The following SMG7 variants were observed in gnomAD, a reference collection of about 807,000 sequenced individuals.
SMG7 encodes the protein SMG7 nonsense mediated mRNA decay factor.
SMG7 carries 34 observed loss-of-function variants against 148.2 expected under a neutral mutation model. The ratio of observed to expected loss-of-function variants is 0.23; its 90% CI spans 0.17 to 0.31. The LOEUF (loss-of-function observed/expected upper bound fraction) is 0.31, where lower values mean the gene tolerates loss of function less well. Ranked by LOEUF, SMG7 falls within the 10% of genes least tolerant of loss-of-function variation. SMG7 has a pLI of 1.00. For missense variants in SMG7, 1,114 were observed against 1,408.4 expected, an observed-to-expected ratio of 0.79 and a Z score of 3.35; for synonymous variants, 492 against 515.1, an observed-to-expected ratio of 0.96 and a Z score of 0.61.
chr1:183,496,785 C>A (rs1473191539), intron 1 of SMG7, among the ~76,000 whole-genome samples: 2 of 152,148 alleles, frequency 1.3e-5, no homozygotes, highest in Non-Finnish European at 1.5e-5. Context: ...TTGTCTTGGG[C>A]CACACATAAA....
intron 1 of SMG7, among the ~76,000 whole-genome samples, chr1:183,491,954 T>C (rs1276018740): frequency 1.3e-5 from 2 of 152,222 alleles, no homozygotes; most frequent in Non-Finnish European, 2.9e-5. Flanking sequence ...AAAAAGGCCG[T>C]ACCTAATTCT....
chr1:183,472,765 C>A, intron 1 of SMG7, 116 bp downstream of exon 1: 3 of 972,866 alleles, frequency 3.1e-6, no homozygotes, highest in Non-Finnish European at 2.8e-6. Flanking sequence ...CCTCTCCTCG[C>A]CGGGCAGGTC....
In SMG7 at chr1:183,551,201, T is replaced by G; in HGVS notation, c.3450+11T>G. On this transcript the variant is annotated intron_variant, in intron 22 of 22. Coordinates refer to ENST00000688051, the MANE Select transcript of SMG7 (RefSeq NM_001375584.1). ...ATGGAAAGCCTAAAGGTGAGTAGAT[T>G]TCAGGAACAAGAACCACAAGATTAT... 1 of 1,554,588 alleles carries G rather than the reference T, an allele frequency of 6.4e-7. No individual in the cohort carries two copies. Among genetic ancestry groups the G allele is most frequent in the Non-Finnish European group, 8.6e-7 (1 of 1,157,014 alleles).
rs1667269463 is a variant in SMG7, at chr1:183,533,826, G to C, written c.1157G>C (p.Arg386Thr). The change falls in exon 10 of 23, where the codon AGA becomes ACA. Residue 386 changes from arginine to threonine, a missense_variant. Around this residue, in one of 4 missense-constraint regions of SMG7, gnomAD observed 102 missense variants for 147.2 expected, o/e 0.69. Coordinates refer to ENST00000688051, the MANE Select transcript of SMG7 (RefSeq NM_001375584.1). ...RVFQEAVVDERQYIWPWLISL... is the reference protein window; with the variant it reads ...RVFQEAVVDETQYIWPWLISL... ...TTTCAGGAGGCAGTGGTGGATGAAAGACAGTAGTAAGTATTTTTAGAATTT... is the reference window on the plus strand; with the variant it reads ...TTTCAGGAGGCAGTGGTGGATGAAACACAGTAGTAAGTATTTTTAGAATTT... 6.2e-7 allele frequency: 1 copy of C among 1,605,482 alleles called. No individual in the cohort carries two copies. The highest frequency in any genetic ancestry group is 8.5e-7 in the Non-Finnish European group (1 of 1,174,902).
chr1:183,542,558 A>G, intron 14 of SMG7, 56 bp downstream of exon 14: 1 of 1,454,874 alleles, frequency 6.9e-7, no homozygotes, highest in South Asian at 1.3e-5. Context: ...AAAAGGCAAG[A>G]TTTTTCATTT....
chr1:183,525,317 C>T (rs931884935), intron 4 of SMG7, among the ~76,000 whole-genome samples: 7 of 152,098 alleles, frequency 4.6e-5, no homozygotes, highest in East Asian at 3.9e-4. Flanking sequence ...GAAAAATATC[C>T]GTTGTATTTG....
chr1:183,505,663 T>C (rs965500116), intron 1 of SMG7, among the ~76,000 whole-genome samples: 1 of 152,262 alleles, frequency 6.6e-6, no homozygotes. Context: ...GCATTTTTAG[T>C]GAACAGCTGC....
At chr1:183,523,104 C>G (rs1665121391) in intron 4 of SMG7, among the ~76,000 whole-genome samples, 1 of 152,050 alleles carries the variant, frequency 6.6e-6, no homozygotes, top group African/African-American at 2.4e-5. Context: ...TTTTAAACAT[C>G]AAAGAACAGA....
At chr1:183,486,727 CAG>C (rs1290874235) in intron 1 of SMG7, among the ~76,000 whole-genome samples, 7 of 151,862 alleles carry the variant, frequency 4.6e-5, no homozygotes, top group Non-Finnish European at 2.9e-5. Context: ...TTTTCTGAGA[CAG>C]GGTCTCACTG....
intron 16 of SMG7, 87 bp from the exon 17 acceptor site, chr1:183,545,879 C>A (rs1572094884): frequency 1.4e-6 from 2 of 1,464,348 alleles, no homozygotes; most frequent in East Asian, 2.3e-5. Context: ...TGGAAAACAC[C>A]CCAAGTTCAT....
Position 183,553,263 on chromosome 1 carries a change from A to G in SMG7, c.*1332A>G. The G allele has an allele frequency of 7.0e-7, 1 of 1,423,278 alleles. No individual in the cohort carries two copies. The highest frequency in any genetic ancestry group is 1.3e-5 in the South Asian group (1 of 75,700). 88.2% of individuals were successfully genotyped at this position (1,423,278 alleles called of 1,614,324 possible). The stretch of plus-strand genomic sequence containing the variant: ...TGAAAATGTTCTTGTGTAGAAACAG[A>G]AGGACAGCATTTCTGTTAGTCATTT... On this transcript the variant is annotated 3_prime_UTR_variant, in exon 23 of 23. Coordinates refer to ENST00000688051, the MANE Select transcript of SMG7 (RefSeq NM_001375584.1).
At chr1:183,539,237 G>T (rs1668351350) in intron 12 of SMG7, among the ~76,000 whole-genome samples, 1 of 152,002 alleles carries the variant, frequency 6.6e-6, no homozygotes, top group African/African-American at 2.4e-5. Context: ...TAAACTATCA[G>T]TGCCTTCTAG....
intron 14 of SMG7, among the ~76,000 whole-genome samples, chr1:183,543,309 T>C (rs1333613857): frequency 6.6e-6 from 1 of 152,198 alleles, no homozygotes; most frequent in African/African-American, 2.4e-5. Context: ...TGAGAAACTT[T>C]ACATTGTTGA....
At chr1:183,491,594 T>C (rs903945354) in intron 1 of SMG7, among the ~76,000 whole-genome samples, 3 of 152,198 alleles carry the variant, frequency 2.0e-5, no homozygotes, top group African/African-American at 7.2e-5. Flanking sequence ...GCTTGTCTTT[T>C]CGGTTTTTAA....
chr1:183,517,562 C>A, intron 3 of SMG7, 126 bp from the exon 4 acceptor site: 1 of 903,598 alleles, frequency 1.1e-6, no homozygotes, highest in Non-Finnish European at 1.8e-6. Flanking sequence ...AAATGAATAA[C>A]TTTAATGCAG....
At chr1:183,520,447 A>C (rs1447899459) in intron 4 of SMG7, among the ~76,000 whole-genome samples, 1 of 152,132 alleles carries the variant, frequency 6.6e-6, no homozygotes, top group Non-Finnish European at 1.5e-5. Flanking sequence ...ATTCTATAAC[A>C]TTCTGGTTGC....
At chr1:183,495,666 C>G (rs377706864) in intron 1 of SMG7, among the ~76,000 whole-genome samples, 2 of 151,972 alleles carry the variant, frequency 1.3e-5, no homozygotes, top group African/African-American at 4.8e-5. Flanking sequence ...GTCAGGAGTT[C>G]GAGACTAGCC....
chr1:183,495,106 C>A (rs1457760007), intron 1 of SMG7, among the ~76,000 whole-genome samples: 1 of 151,980 alleles, frequency 6.6e-6, no homozygotes, highest in Admixed American at 6.6e-5. Context: ...GGATTACAGG[C>A]GTGAGCCACC....
intron 1 of SMG7, among the ~76,000 whole-genome samples, chr1:183,485,282 A>T (rs1655161424): frequency 6.6e-6 from 1 of 152,152 alleles, no homozygotes; most frequent in Non-Finnish European, 1.5e-5. Flanking sequence ...TTGTTTATAT[A>T]AAACATAATG....
Sources: gnomAD v4.1 joint callset for allele counts (sites outside exome capture counted in the v4.1 genomes callset) on GRCh38, gnomAD v4.1.1 for gene constraint, gnomAD v4.1.1 regional missense constraint, MANE v1.5 for transcripts, NCBI Gene and HGNC (gene_info 2026-07-23, HGNC 2026-07-21) for gene names.